The following VLDLR variants were observed in gnomAD, a reference collection of about 807,000 sequenced individuals.
VLDLR encodes the protein very low-density lipoprotein receptor.
In VLDLR, 81 loss-of-function variants were observed where a neutral mutation model predicts 112.7. The ratio of observed to expected loss-of-function variants is 0.72; its 90% CI spans 0.60 to 0.86. The LOEUF (loss-of-function observed/expected upper bound fraction) is 0.86. Among genes scored for constraint, VLDLR ranks in the 40% least tolerant of loss-of-function variants. The pLI, the probability that VLDLR is intolerant of heterozygous loss-of-function variation, is 0.00. For missense variants in VLDLR, 1,237 were observed against 1,099.4 expected (o/e 1.13, Z -1.77); for synonymous variants, 436 against 384.8 (o/e 1.13, Z -1.56).
chr9:2,630,695 G>A (rs746324677), intron 1 of VLDLR, among the ~76,000 whole-genome samples: 170 of 152,260 alleles, frequency 1.1e-3, no homozygotes, highest in Non-Finnish European at 1.9e-3. Context: ...CCGCTACAGG[G>A]AAAATTAGAC....
chr9:2,650,242 A>G (rs1338976421), intron 14 of VLDLR, 128 bp from the exon 15 acceptor site: 5 of 1,122,374 alleles, frequency 4.5e-6, no homozygotes, highest in Admixed American at 1.9e-5. Flanking sequence ...TCTCACTTGA[A>G]GGATTAGCAG....
Position 2,635,480 on chromosome 9 carries a change from A to T in VLDLR, c.110A>T (p.Gln37Leu). The T allele has an allele frequency of 6.2e-7, 1 of 1,614,126 alleles. No individual in the cohort carries two copies. The highest frequency in any genetic ancestry group is 8.5e-7 in the Non-Finnish European group (1 of 1,179,982). Residue 37 changes from glutamine to leucine, a missense_variant, in exon 2 of 19, where the codon CAA (glutamine) becomes CTA (leucine). Coordinates refer to ENST00000382100, the MANE Select transcript of VLDLR (RefSeq NM_003383.5). ...AGAAAAGCCAAATGTGAACCCTCCCAATTCCAGTGCACAAATGGTCGCTGT... is the reference window on the plus strand; with the variant it reads ...AGAAAAGCCAAATGTGAACCCTCCCTATTCCAGTGCACAAATGGTCGCTGT... ...TGRKAKCEPS[Q>L]FQCTNGRCIT... is the part of the protein sequence containing the mutation.
chr9:2,652,654 T>C (rs780135304), intron 17 of VLDLR, 126 bp from the exon 18 acceptor site: 131 of 1,302,098 alleles, frequency 1.0e-4, no homozygotes, highest in Non-Finnish European at 1.3e-4. Flanking sequence ...CTTCTAGTTA[T>C]CCTAGCTCCA....
At chr9:2,624,790 A>T (rs1057413978) in intron 1 of VLDLR, among the ~76,000 whole-genome samples, 28 of 152,220 alleles carry the variant, frequency 1.8e-4, no homozygotes, top group Non-Finnish European at 7.3e-5. Flanking sequence ...CCCTTATCAA[A>T]GACTGATCAC....
rs113803688 is a variant in VLDLR at position 2,657,923 on chromosome 9, G to C, written c.*4055G>C. ...TATCCTAACAAGTATGATTTTTCTT[G>C]GGAAAACTAAAAATTGTACATCCAT... On this transcript the variant is annotated 3_prime_UTR_variant, in exon 19 of 19. Coordinates refer to ENST00000382100, the MANE Select transcript of VLDLR (RefSeq NM_003383.5). 3.7e-4 allele frequency: 56 copies of C among 152,042 alleles called. No individual in the cohort carries two copies. Among genetic ancestry groups the C allele is most frequent in the African/African-American group, 1.3e-3 (55 of 41,400 alleles). 9.4% of individuals were successfully genotyped at this position (152,042 alleles called of 1,614,324 possible). A position where few individuals can be genotyped will look rare whatever the true frequency, so the allele number is the denominator to read the frequency against.
In VLDLR at chr9:2,654,259, T is replaced by G; in HGVS notation, c.*391T>G. The G allele has an allele frequency of 5.3e-6, 1 of 189,136 alleles. No individual in the cohort carries two copies. The highest frequency in any genetic ancestry group is 1.1e-4 in the South Asian group (1 of 8,782). 11.7% of individuals were successfully genotyped at this position (189,136 alleles called of 1,614,324 possible). ...AGAACAATCACTATTCTTAAGCACT[T>G]TGAAAATATTTCTATGTAAATTATT... On this transcript the variant is annotated 3_prime_UTR_variant, in exon 19 of 19. Transcript: ENST00000382100.
At chr9:2,644,372 T>C (rs1329798991) in intron 7 of VLDLR, among the ~76,000 whole-genome samples, 3 of 145,144 alleles carry the variant, frequency 2.1e-5, no homozygotes, top group South Asian at 4.4e-4. Flanking sequence ...GGTTTCACCA[T>C]GTTGGCCAGG....
At position 2,659,572 on chromosome 9, in the gene VLDLR, C is replaced by G. The variant is rs539263305; in HGVS notation, c.*5704C>G. 2 of 152,342 alleles carry G rather than the reference C, an allele frequency of 1.3e-5. No homozygotes were observed. The highest frequency in any genetic ancestry group is 2.9e-5 in the Non-Finnish European group (2 of 68,036). The allele number at this position is 152,342 out of a possible 1,614,324, so 9.4% of individuals were successfully genotyped here. A position where few individuals can be genotyped will look rare whatever the true frequency, so the allele number is the denominator to read the frequency against. ...TTCCCTAAAGGAATTTATAAGCAGG[C>G]AACTTCATTCCTATGTATAAGATAT... On this transcript the variant is annotated 3_prime_UTR_variant, in exon 19 of 19. Transcript: ENST00000382100.
Position 2,653,995 on chromosome 9 carries a change from T to C in VLDLR, c.*127T>C. 2 of 944,774 alleles carry C rather than the reference T, an allele frequency of 2.1e-6. No homozygotes were observed. The highest frequency in any genetic ancestry group is 4.9e-5 in the East Asian group (2 of 40,996). The allele number at this position is 944,774 out of a possible 1,614,324, so 58.5% of individuals were successfully genotyped here. ...GGAAGAACATCAAGATACCTTTGCG[T>C]GGATCAAGCTTGTGTACTTGACCGT... is the stretch of plus-strand genomic sequence containing the variant. On this transcript the variant is annotated 3_prime_UTR_variant, in exon 19 of 19. Transcript: ENST00000382100.
intron 1 of VLDLR, among the ~76,000 whole-genome samples, chr9:2,623,274 G>C (rs1406608937): frequency 6.6e-6 from 1 of 152,210 alleles, no homozygotes. Context: ...TTGGGGCCTC[G>C]TAACTTTCCT....
intron 1 of VLDLR, among the ~76,000 whole-genome samples, chr9:2,634,500 C>G (rs1817512946): frequency 6.6e-6 from 1 of 152,234 alleles, no homozygotes; most frequent in Non-Finnish European, 1.5e-5. Context: ...AAGGACGGAA[C>G]TGCTAATGAT....
In VLDLR at chr9:2,643,880, A is replaced by G; in HGVS notation, c.987A>G (p.Gly329=). 4 of 1,614,172 alleles carry G rather than the reference A, an allele frequency of 2.5e-6. No individual in the cohort carries two copies. Among genetic ancestry groups the G allele is most frequent in the Non-Finnish European group, 2.5e-6 (3 of 1,180,030 alleles). The part of the protein sequence containing the change: ...LGPGKFKCRS[G]ECIDISKVCN... ...CTGGAAAATTCAAGTGCAGAAGTGG[A>G]GAATGCATAGATATCAGCAAAGTAT... is the stretch of plus-strand genomic sequence containing the variant. The change falls in exon 7 of 19, where the codon GGA becomes GGG. Residue 329 remains glycine, a synonymous_variant. Transcript: ENST00000382100.
rs1169361930 is a variant in VLDLR at position 2,622,256 on chromosome 9, G to C, written c.67G>C (p.Gly23Arg). 5 of 1,491,964 alleles carry C rather than the reference G, an allele frequency of 3.4e-6. No individual in the cohort carries two copies. Among genetic ancestry groups the C allele is most frequent in the Non-Finnish European group, 3.5e-6 (4 of 1,127,410 alleles). 92.4% of individuals were successfully genotyped at this position (1,491,964 alleles called of 1,614,324 possible). Residue 23 changes from glycine (G) to arginine (R), a missense_variant, in exon 1 of 19, where the codon GGC (glycine) becomes CGC (arginine). Physicochemically the swap from Gly to Arg is moderately radical, Grantham distance 125. Transcript: ENST00000382100. ...GCTGTGCTGGGCGCCCCGGGAGAGC[G>C]GCGCCACCGGAACCGGTGAGTGAGG... ...LALCWAPRES[G>R]ATGTGRKAKC...
chr9:2,637,669 C>T (rs1431506079), intron 2 of VLDLR, among the ~76,000 whole-genome samples: 3 of 152,160 alleles, frequency 2.0e-5, no homozygotes, highest in Non-Finnish European at 4.4e-5. Context: ...GGGCCGGGTG[C>T]GGTGGCTCAC....
At chr9:2,648,004 G>C (rs1476991606) in intron 12 of VLDLR, among the ~76,000 whole-genome samples, 1 of 152,200 alleles carries the variant, frequency 6.6e-6, no homozygotes, top group African/African-American at 2.4e-5. Flanking sequence ...CATTTGCTTT[G>C]AGAATCTCAG....
intron 2 of VLDLR, among the ~76,000 whole-genome samples, chr9:2,639,097 T>G (rs960790702): frequency 1.3e-5 from 2 of 150,578 alleles, no homozygotes; most frequent in Non-Finnish European, 3.0e-5. Context: ...AGTATATTAG[T>G]CAGCTCAGAC....
Position 2,656,500 on chromosome 9 carries a change from C to A in VLDLR, c.*2632C>A, listed in dbSNP as rs1171014038. 1 of 152,008 alleles carries A rather than the reference C, an allele frequency of 6.6e-6. No homozygotes were observed. Among genetic ancestry groups the A allele is most frequent in the African/African-American group, 2.4e-5 (1 of 41,390 alleles). 9.4% of individuals were successfully genotyped at this position (152,008 alleles called of 1,614,324 possible). On this transcript the variant is annotated 3_prime_UTR_variant, in exon 19 of 19. Transcript: ENST00000382100. ...CTAAACTACTAGTCAATACAGCTTG[C>A]AATAATAGTGCATGAATGATAACAG...
chr9:2,630,002 C>T (rs932414847), intron 1 of VLDLR, among the ~76,000 whole-genome samples: 1 of 152,156 alleles, frequency 6.6e-6, no homozygotes, highest in Non-Finnish European at 1.5e-5. Context: ...CCATGTTGAC[C>T]AGGCTGGTCT....
chr9:2,633,663 CCTGA>C (rs548310859), intron 1 of VLDLR, among the ~76,000 whole-genome samples: 39 of 152,216 alleles, frequency 2.6e-4, no homozygotes, highest in Non-Finnish European at 4.7e-4. Flanking sequence ...TTAACTCCAA[CCTGA>C]CTATTCTTTC....
Sources: allele counts gnomAD v4.1 joint callset (sites outside exome capture counted in the v4.1 genomes callset), GRCh38; gene constraint gnomAD v4.1.1; transcripts MANE v1.5; gene names NCBI Gene and HGNC (gene_info 2026-07-23, HGNC 2026-07-21).